LRP1B: variants seen among roughly 807,000 people sequenced by gnomAD.
The protein encoded by LRP1B is LDL receptor related protein 1B.
LRP1B carries 217 observed loss-of-function variants against 556.6 expected under a neutral mutation model. The observed-to-expected ratio is 0.39, with a 90% CI of 0.35 to 0.44. LRP1B has a LOEUF of 0.44. Ranked by LOEUF, LRP1B falls within the 20% of genes least tolerant of loss-of-function variation. The pLI, the probability that LRP1B is intolerant of heterozygous loss-of-function variation, is 1.00. For synonymous variants in LRP1B, 2,047 were observed against 1,865.8 expected (o/e 1.10, Z -2.50); for missense variants, 5,053 against 5,620.8 (o/e 0.90, Z 3.23).
intron 2 of LRP1B, among the ~76,000 whole-genome samples, chr2:141,543,133 TTG>T (rs559232639): frequency 1.3e-5 from 2 of 152,080 alleles, no homozygotes; most frequent in South Asian, 4.1e-4. Flanking sequence ...GTAAAATTGG[TTG>T]TCTCTTGGAG....
intron 41 of LRP1B, among the ~76,000 whole-genome samples, chr2:140,620,835 T>A (rs963047488): frequency 2.0e-5 from 3 of 152,150 alleles, no homozygotes; most frequent in Non-Finnish European, 4.4e-5. Flanking sequence ...GTAAACCAGT[T>A]TTCTTTTGCA....
chr2:140,500,503 C>T (rs1350134234), intron 55 of LRP1B, among the ~76,000 whole-genome samples: 8 of 151,936 alleles, frequency 5.3e-5, no homozygotes, highest in Non-Finnish European at 8.8e-5. Flanking sequence ...TGCAGAAACA[C>T]TTTCATTGGT....
intron 1 of LRP1B, among the ~76,000 whole-genome samples, chr2:142,040,377 C>T (rs1449489): frequency 0.54 from 80,865 of 150,948 alleles, 22,382 homozygotes; most frequent in East Asian, 0.69. Context: ...TTCCGGGAGG[C>T]AAATTTATCC....
chr2:140,884,064 T>C, intron 24 of LRP1B, 43 bp from the exon 25 acceptor site: 3 of 1,572,164 alleles, frequency 1.9e-6, no homozygotes, highest in Non-Finnish European at 2.6e-6. Flanking sequence ...ATTCAAGGAT[T>C]GTGTTAAGCA....
At chr2:140,878,822 C>T (rs1286716207) in intron 25 of LRP1B, among the ~76,000 whole-genome samples, 2 of 151,898 alleles carry the variant, frequency 1.3e-5, no homozygotes, top group African/African-American at 2.4e-5. Context: ...GCCTGGCCAA[C>T]ATGGTGAAAC....
chr2:140,883,673 C>A (rs1693544974), intron 25 of LRP1B, 144 bp downstream of exon 25: 7 of 512,758 alleles, frequency 1.4e-5, no homozygotes, highest in East Asian at 3.7e-5. Flanking sequence ...CCTACCCCCA[C>A]CTCCCCGCCC....
chr2:141,780,765 A>G (rs1242367809), intron 2 of LRP1B, among the ~76,000 whole-genome samples: 1 of 152,182 alleles, frequency 6.6e-6, no homozygotes, highest in Non-Finnish European at 1.5e-5. Context: ...TTGAATTAGC[A>G]AAGAACAATA....
intron 1 of LRP1B, among the ~76,000 whole-genome samples, chr2:141,822,114 C>CAGAG (rs1220162057): frequency 4.8e-3 from 536 of 111,412 alleles, no homozygotes; most frequent in Admixed American, 9.0e-3. Context: ...CACACACACA[C>CAGAG]ACACACACAC....
intron 7 of LRP1B, among the ~76,000 whole-genome samples, chr2:141,155,556 C>A (rs1702046791): frequency 6.6e-6 from 1 of 151,416 alleles, no homozygotes; most frequent in Non-Finnish European, 1.5e-5. Flanking sequence ...TATATATGTG[C>A]CATGGTGGTT....
intron 1 of LRP1B, among the ~76,000 whole-genome samples, chr2:141,952,185 C>CT (rs35371519): frequency 0.37 from 56,360 of 151,462 alleles, 11,442 homozygotes; most frequent in Admixed American, 0.5. Flanking sequence ...TGAATTCATC[C>CT]TTTTTTTATG....
chr2:140,618,850 A>T (rs1229923683), intron 41 of LRP1B, among the ~76,000 whole-genome samples: 1 of 151,916 alleles, frequency 6.6e-6, no homozygotes, highest in South Asian at 2.1e-4. Context: ...GAGCTGGAAG[A>T]TCTTACCCAA....
chr2:140,870,165 A>G (rs1693082358), intron 25 of LRP1B, among the ~76,000 whole-genome samples: 1 of 152,070 alleles, frequency 6.6e-6, no homozygotes, highest in Admixed American at 6.6e-5. Flanking sequence ...TCATCACCAC[A>G]CCCAGACAGA....
At chr2:140,846,179 A>T (rs1692268265) in intron 29 of LRP1B, among the ~76,000 whole-genome samples, 1 of 152,224 alleles carries the variant, frequency 6.6e-6, no homozygotes, top group Non-Finnish European at 1.5e-5. Context: ...GTGGGATACT[A>T]TCTACAAAGG....
At chr2:140,666,233 T>C (rs113324409) in intron 41 of LRP1B, among the ~76,000 whole-genome samples, 2,028 of 151,952 alleles carry the variant, frequency 0.013, 43 homozygotes, top group African/African-American at 0.047. Flanking sequence ...GACCTCGTTA[T>C]CTATCTGACT....
At chr2:141,345,083 G>A (rs138984655) in intron 3 of LRP1B, among the ~76,000 whole-genome samples, 25 of 152,072 alleles carry the variant, frequency 1.6e-4, no homozygotes, top group African/African-American at 5.5e-4. Flanking sequence ...ATGATGCAAT[G>A]TGAGGAACAC....
intron 11 of LRP1B, among the ~76,000 whole-genome samples, chr2:141,045,972 T>C (rs1348018175): frequency 6.6e-6 from 1 of 152,104 alleles, no homozygotes; most frequent in Non-Finnish European, 1.5e-5. Context: ...CAATGGACAA[T>C]TTCCTTTCTC....
chr2:140,559,842 C>T (rs1036014824), intron 43 of LRP1B, among the ~76,000 whole-genome samples: 4 of 150,518 alleles, frequency 2.7e-5, no homozygotes, highest in Admixed American at 2.7e-4. Context: ...ATGGAAGAAA[C>T]TAATTGAAAT....
chr2:142,078,804 T>C (rs1476494866), intron 1 of LRP1B, among the ~76,000 whole-genome samples: 2 of 152,156 alleles, frequency 1.3e-5, no homozygotes, highest in Non-Finnish European at 2.9e-5. Context: ...GTTTTTTTGG[T>C]AATCTAGATA....
chr2:140,420,240 T>C (rs1438556647), intron 66 of LRP1B, among the ~76,000 whole-genome samples: 1 of 151,992 alleles, frequency 6.6e-6, no homozygotes, highest in Non-Finnish European at 1.5e-5. Flanking sequence ...AAAAAAGAAT[T>C]TGAACAGATT....
Sources: allele counts gnomAD v4.1 joint callset (sites outside exome capture counted in the v4.1 genomes callset), GRCh38; gene constraint gnomAD v4.1.1; transcripts MANE v1.5; gene names NCBI Gene and HGNC (gene_info 2026-07-23, HGNC 2026-07-21).